The following UNC45B variants were observed in gnomAD, a reference collection of about 807,000 sequenced individuals.
UNC45B encodes the protein unc-45 myosin chaperone B.
UNC45B carries 78 observed loss-of-function variants against 98.7 expected under a neutral mutation model. The ratio of observed to expected loss-of-function variants is 0.79; its 90% CI spans 0.66 to 0.95. The LOEUF is 0.95. UNC45B is among the 40% of genes least tolerant of loss of function. UNC45B has a pLI of 0.00. For synonymous variants in UNC45B, 462 were observed against 480.4 expected (o/e 0.96, Z 0.50); for missense variants, 1,225 against 1,184.9 (o/e 1.03, Z -0.50).
At chr17:35,174,497 G>A (rs1379648380) in intron 14 of UNC45B, 128 bp downstream of exon 14, 1 of 1,359,476 alleles carries the variant, frequency 7.4e-7, no homozygotes, top group Non-Finnish European at 1.0e-6. Flanking sequence ...GGGAAAGCCT[G>A]GAGAAAGGTC....
rs1372037936 is a variant in UNC45B, at chr17:35,187,091, TGATGGAAATAGA to T, written c.*534_*545del. Reference sequence around the variant, plus strand: ...CATGCCCATTCCCATCACTTCACTGTGATGGAAATAGAGTTTATGTTCAACAGTGGGGCATGA... The same window carrying T: ...CATGCCCATTCCCATCACTTCACTGTGTTTATGTTCAACAGTGGGGCATGA... On this transcript the variant is annotated 3_prime_UTR_variant, in exon 20 of 20. Transcript: ENST00000394570. 6.5e-6 allele frequency: 1 copy of T among 154,770 alleles called. No homozygotes were observed. Among genetic ancestry groups the T allele is most frequent in the Non-Finnish European group, 1.4e-5 (1 of 69,438 alleles). 9.6% of individuals were successfully genotyped at this position (154,770 alleles called of 1,614,324 possible).
At chr17:35,179,608 A>G (rs903729115) in intron 17 of UNC45B, among the ~76,000 whole-genome samples, 1 of 152,172 alleles carries the variant, frequency 6.6e-6, no homozygotes, top group Non-Finnish European at 1.5e-5. Flanking sequence ...GCAGGGACAT[A>G]GATGAAACTG....
intron 4 of UNC45B, among the ~76,000 whole-genome samples, chr17:35,150,725 TG>T (rs2092011460): frequency 1.3e-5 from 2 of 152,006 alleles, no homozygotes; most frequent in Admixed American, 6.5e-5. Context: ...CACTTCAGCC[TG>T]GGCGACAGAG....
chr17:35,171,422 C>T lies in UNC45B; in HGVS notation c.1790C>T (p.Ala597Val), dbSNP rs776649122. The change falls in exon 13 of 20, where the codon GCC becomes GTC. Residue 597 changes from alanine to valine, a missense_variant. Physicochemically the swap from Ala to Val is moderately conservative, Grantham distance 64. Coordinates refer to ENST00000394570, the MANE Select transcript of UNC45B (RefSeq NM_001267052.2). ...KEVIPELVQLAKFSKQHVPEE... is the reference protein window; with the variant it reads ...KEVIPELVQLVKFSKQHVPEE... ...GTCATCCCAGAGCTTGTCCAGCTCG[C>T]CAAGTTCTCCAAGCAGCATGTGCCC... 13 of 1,614,148 alleles carry T rather than the reference C, an allele frequency of 8.1e-6. No individual in the cohort carries two copies. In the South Asian group the frequency reaches 1.4e-4, roughly 18 times the overall value.
intron 18 of UNC45B, among the ~76,000 whole-genome samples, chr17:35,181,397 TGGGCCCTCACATA>T (rs1191323976): frequency 6.6e-6 from 1 of 152,180 alleles, no homozygotes; most frequent in Non-Finnish European, 1.5e-5. Flanking sequence ...ATGTCCCTCC[TGGGCCCTCACATA>T]GGGGCTAGCG....
intron 9 of UNC45B, among the ~76,000 whole-genome samples, chr17:35,164,807 G>A (rs1341908024): frequency 1.3e-5 from 2 of 151,694 alleles, no homozygotes; most frequent in South Asian, 2.1e-4. Context: ...CTGCAGCCTC[G>A]AACTTTTGGG....
rs1824593556 is a variant in UNC45B, at chr17:35,175,854, G to A, written c.1959-114G>A. On this transcript the variant is annotated intron_variant, in intron 14 of 19. Transcript: ENST00000394570. ...AGGCACACAAGTGGCACTTTCCATA[G>A]TCTCCCTTTTCATCCCAGGGTTTCA... 1.7e-5 allele frequency: 16 copies of A among 940,758 alleles called. No individual in the cohort carries two copies. The South Asian group carries it at 2.1e-4, about 12-fold the overall frequency. 58.3% of individuals were successfully genotyped at this position (940,758 alleles called of 1,614,324 possible).
intron 1 of UNC45B, 107 bp downstream of exon 1, chr17:35,148,017 G>A: frequency 1.9e-6 from 1 of 515,280 alleles, no homozygotes; most frequent in East Asian, 3.3e-5. Context: ...AGCTTCGCCT[G>A]CTCAGGCTGG....
rs866505268 is a variant in UNC45B, at chr17:35,150,153, C to T, written c.311C>T (p.Ala104Val). The change falls in exon 4 of 20, where the codon GCC becomes GTC. Residue 104 changes from alanine (A) to valine (V), a missense_variant. Physicochemically the swap from Ala to Val is moderately conservative, Grantham distance 64. Coordinates refer to ENST00000394570, the MANE Select transcript of UNC45B (RefSeq NM_001267052.2). Reference protein sequence around the residue: ...DQAFKDVQRCATLEPRNQNFQ... With the variant: ...DQAFKDVQRCVTLEPRNQNFQ... The stretch of plus-strand genomic sequence containing the variant: ...GCCTTCAAAGACGTGCAGCGTTGTG[C>T]CACCCTCGAGCCACGGAACCAGAAC... The T allele has an allele frequency of 1.2e-6, 2 of 1,613,656 alleles. No individual in the cohort carries two copies. The highest frequency in any genetic ancestry group is 1.7e-6 in the Non-Finnish European group (2 of 1,179,752).
At chr17:35,153,378 G>A (rs1005926338) in intron 5 of UNC45B, among the ~76,000 whole-genome samples, 16 of 152,064 alleles carry the variant, frequency 1.1e-4, no homozygotes, top group African/African-American at 3.1e-4. Context: ...AAGAAATAAC[G>A]GGCCCATTAA....
At chr17:35,184,764 G>A (rs765087570) in intron 19 of UNC45B, among the ~76,000 whole-genome samples, 2 of 152,166 alleles carry the variant, frequency 1.3e-5, no homozygotes, top group Non-Finnish European at 2.9e-5. Context: ...TGGCCACTTT[G>A]TCGGTCTTCC....
In UNC45B at chr17:35,174,268, G is replaced by C. The variant is rs201569220; in HGVS notation, c.1857G>C (p.Arg619=). The change falls in exon 14 of 20, where the codon CGG becomes CGC. Residue 619 remains arginine (R), a synonymous_variant. Transcript: ENST00000394570. ...PKDKKDFIDM[R]VKRLLKAGVI... ...ACAAGAAGGACTTTATAGACATGCG[G>C]GTGAAGCGGCTTCTGAAGGCGGGTG... 6.2e-7 allele frequency: 1 copy of C among 1,614,088 alleles called. No homozygotes were observed. Among genetic ancestry groups the C allele is most frequent in the African/African-American group, 1.3e-5 (1 of 74,930 alleles).
At chr17:35,181,938 G>A (rs1044981607) in intron 18 of UNC45B, among the ~76,000 whole-genome samples, 2 of 152,064 alleles carry the variant, frequency 1.3e-5, no homozygotes, top group East Asian at 1.9e-4. Flanking sequence ...GAGGCTGAGA[G>A]GTTGAGAGAG....
At chr17:35,170,774 C>G (rs1045998135) in intron 12 of UNC45B, among the ~76,000 whole-genome samples, 3 of 152,044 alleles carry the variant, frequency 2.0e-5, no homozygotes, top group Admixed American at 6.6e-5. Flanking sequence ...GAGATCGAGG[C>G]TGCAGTGAGC....
In UNC45B at chr17:35,186,374, A is replaced by G. The variant is rs773063374; in HGVS notation, c.2605A>G (p.Ile869Val). The change falls in exon 20 of 20, where the codon ATT (isoleucine) becomes GTT (valine). Residue 869 changes from isoleucine to valine, a missense_variant. Transcript: ENST00000394570. ...QLSVQHRGLV[I>V]AYNLLAADAE... Reference sequence around the variant, plus strand: ...GTCTGTCCAACACCGGGGCCTGGTCATTGCCTACAACCTACTGGCAGCCGA... The same window carrying G: ...GTCTGTCCAACACCGGGGCCTGGTCGTTGCCTACAACCTACTGGCAGCCGA... The G allele has an allele frequency of 2.5e-6, 4 of 1,614,200 alleles. No individual in the cohort carries two copies. The Admixed American group carries it at 5.0e-5, about 20-fold the overall frequency.
In UNC45B at chr17:35,175,060, G is replaced by GATGAAAGAAAGAAAGAAAGAAAGA. The variant is rs1491189117; in HGVS notation, c.1958+692_1958+693insTGAAAGAAAGAAAGAAAGAAAGAA. On this transcript the variant is annotated intron_variant, in intron 14 of 19. Coordinates refer to ENST00000394570, the MANE Select transcript of UNC45B (RefSeq NM_001267052.2). ...GAAAGAAGGAAAGAAAGAAAGGAAA[G>GATGAAAGAAAGAAAGAAAGAAAGA]AAGAAAGAAAGAAAGAAAGAAAGAA... 3.4e-3 allele frequency among the ~76,000 whole-genome samples: 370 copies of GATGAAAGAAAGAAAGAAAGAAAGA among 110,146 alleles called. 3 individuals are homozygous for GATGAAAGAAAGAAAGAAAGAAAGA. The highest frequency in any genetic ancestry group is 0.012 in the African/African-American group (348 of 29,800). 72.3% of individuals were successfully genotyped at this position (110,146 alleles called of 152,430 possible).
chr17:35,148,844 A>G (rs2091995490), intron 2 of UNC45B, 129 bp from the exon 3 acceptor site: 5 of 1,102,988 alleles, frequency 4.5e-6, no homozygotes, highest in Non-Finnish European at 6.7e-6. Flanking sequence ...TGTGAGGAGC[A>G]TGCCCTGGGC....
chr17:35,164,422 A>T (rs1352661918), intron 9 of UNC45B: 1 of 329,628 alleles, frequency 3.0e-6, no homozygotes, highest in African/African-American at 2.2e-5. Context: ...GTGGACTCAC[A>T]CAGCTGGCAC....
At chr17:35,155,546 A>G (rs1567755735) in intron 7 of UNC45B, 82 bp downstream of exon 7, 7 of 1,425,888 alleles carry the variant, frequency 4.9e-6, no homozygotes, top group Non-Finnish European at 5.8e-6. Flanking sequence ...AATTCCCTGT[A>G]TGTGGGGGTG....
Sources: allele counts gnomAD v4.1 joint callset (sites outside exome capture counted in the v4.1 genomes callset), GRCh38; gene constraint gnomAD v4.1.1; transcripts MANE v1.5; gene names NCBI Gene and HGNC (gene_info 2026-07-23, HGNC 2026-07-21).